The following CARMIL1 variants were observed in gnomAD, a reference collection of about 807,000 sequenced individuals.
CARMIL1 encodes the protein F-actin-uncapping protein LRRC16A.
Under a neutral mutation model 177.1 loss-of-function variants are expected in CARMIL1, and 90 were observed. The ratio of observed to expected loss-of-function variants is 0.51; its 90% CI spans 0.43 to 0.61. The LOEUF (loss-of-function observed/expected upper bound fraction) is 0.61. Among genes scored for constraint, CARMIL1 ranks in the 20% least tolerant of loss-of-function variants. The pLI is 0.00. For synonymous variants in CARMIL1, 577 were observed against 606.2 expected, an observed-to-expected ratio of 0.95 and a Z score of 0.71; for missense variants, 1,380 against 1,667.0, an observed-to-expected ratio of 0.83 and a Z score of 3.00.
At chr6:25,596,548 TC>T (rs1814866097) in intron 32 of CARMIL1, among the ~76,000 whole-genome samples, 1 of 152,228 alleles carries the variant, frequency 6.6e-6, no homozygotes, top group Non-Finnish European at 1.5e-5. Context: ...CTTTCTTTTT[TC>T]TGTTTTCTGT....
intron 2 of CARMIL1, among the ~76,000 whole-genome samples, chr6:25,293,687 C>T (rs1782169322): frequency 6.6e-6 from 1 of 151,904 alleles, no homozygotes; most frequent in African/African-American, 2.4e-5. Context: ...CCCTTCCTCT[C>T]CTTTCCCTTC....
chr6:25,517,267 G>A, intron 21 of CARMIL1, 80 bp from the exon 22 acceptor site: 1 of 1,017,068 alleles, frequency 9.8e-7, no homozygotes, highest in Non-Finnish European at 1.6e-6. Context: ...ACACACTGCT[G>A]TCTATAAGAG....
chr6:25,498,534 T>G (rs1318458250), intron 16 of CARMIL1, among the ~76,000 whole-genome samples: 1 of 152,176 alleles, frequency 6.6e-6, no homozygotes, highest in Non-Finnish European at 1.5e-5. Flanking sequence ...TTCTTGGCCT[T>G]AATTCACATG....
intron 23 of CARMIL1, chr6:25,527,632 G>A (rs1175694300): frequency 9.3e-6 from 4 of 427,866 alleles, no homozygotes; most frequent in African/African-American, 6.2e-5. Flanking sequence ...AGAAAGTAAT[G>A]TAATATACTG....
In CARMIL1 at chr6:25,594,538, A is replaced by G; in HGVS notation, c.3119+11A>G. 4 of 1,431,670 alleles carry G rather than the reference A, an allele frequency of 2.8e-6. No homozygotes were observed. Among genetic ancestry groups the G allele is most frequent in the Non-Finnish European group, 2.9e-6 (3 of 1,017,636 alleles). The allele number at this position is 1,431,670 out of a possible 1,614,324, so 88.7% of individuals were successfully genotyped here. A position where few individuals can be genotyped will look rare whatever the true frequency, so the allele number is the denominator to read the frequency against. On this transcript the variant is annotated intron_variant, in intron 32 of 36. Coordinates refer to ENST00000329474, the MANE Select transcript of CARMIL1 (RefSeq NM_017640.6). ...CAAAATGGATTCCAAGTGAGTTCAG[A>G]GTAATTTCACTGATAATGCTATTTT...
intron 32 of CARMIL1, among the ~76,000 whole-genome samples, chr6:25,595,514 C>CTA (rs1814754094): frequency 1.3e-5 from 2 of 152,120 alleles, no homozygotes. Flanking sequence ...GCTTAGCATA[C>CTA]TATACTTGGC....
At chr6:25,378,007 C>G (rs919344476) in intron 2 of CARMIL1, among the ~76,000 whole-genome samples, 78 of 152,082 alleles carry the variant, frequency 5.1e-4, no homozygotes, top group African/African-American at 1.9e-3. Flanking sequence ...AGGGGCAAAG[C>G]CAGGTGAGGG....
chr6:25,367,881 C>T (rs1789999117), intron 2 of CARMIL1, among the ~76,000 whole-genome samples: 1 of 152,166 alleles, frequency 6.6e-6, no homozygotes, highest in Non-Finnish European at 1.5e-5. Flanking sequence ...GCCTCAGTCT[C>T]CCGAATAGCT....
At chr6:25,373,392 CTT>C (rs36050000) in intron 2 of CARMIL1, among the ~76,000 whole-genome samples, 122 of 122,866 alleles carry the variant, frequency 9.9e-4, no homozygotes, top group Admixed American at 1.6e-3. Context: ...TGGCCTTCGG[CTT>C]TTTTTTTTTT....
intron 7 of CARMIL1, 42 bp from the exon 8 acceptor site, chr6:25,450,596 T>C: frequency 1.6e-6 from 2 of 1,249,074 alleles, no homozygotes; most frequent in Non-Finnish European, 2.3e-6. Context: ...TTCCTGGTCA[T>C]CTGCATGGAC....
At chr6:25,380,861 C>G (rs1181766006) in intron 2 of CARMIL1, among the ~76,000 whole-genome samples, 2 of 109,628 alleles carry the variant, frequency 1.8e-5, no homozygotes, top group African/African-American at 6.9e-5. Flanking sequence ...GGACTCATGC[C>G]TTGGACCACA....
intron 8 of CARMIL1, chr6:25,451,986 G>GGGCCCCCCCC: frequency 8.9e-6 from 1 of 112,670 alleles, no homozygotes; most frequent in South Asian, 7.1e-5. Flanking sequence ...CTAGCATCTT[G>GGGCCCCCCCC]CCCCCCCCTC....
intron 2 of CARMIL1, among the ~76,000 whole-genome samples, chr6:25,353,637 T>A (rs918961838): frequency 6.6e-6 from 1 of 152,236 alleles, no homozygotes; most frequent in Admixed American, 6.5e-5. Context: ...TTCTGATTGT[T>A]TCTTGTGCAT....
intron 28 of CARMIL1, among the ~76,000 whole-genome samples, chr6:25,556,351 C>G (rs573347301): frequency 6.6e-6 from 1 of 152,186 alleles, no homozygotes; most frequent in East Asian, 1.9e-4. Flanking sequence ...CTTTTCAGTC[C>G]TTTAAAAATA....
chr6:25,556,390 CAGAT>C (rs947225231), intron 28 of CARMIL1, among the ~76,000 whole-genome samples: 9 of 152,108 alleles, frequency 5.9e-5, no homozygotes, highest in Non-Finnish European at 1.3e-4. Context: ...TTATTACTCT[CAGAT>C]ACTTTTTAGT....
intron 24 of CARMIL1, among the ~76,000 whole-genome samples, chr6:25,530,413 G>C (rs1807634619): frequency 6.6e-6 from 1 of 152,094 alleles, no homozygotes; most frequent in African/African-American, 2.4e-5. Flanking sequence ...TACTTGGAAG[G>C]CTGAGGCAGG....
intron 2 of CARMIL1, among the ~76,000 whole-genome samples, chr6:25,360,774 T>C (rs1789117337): frequency 6.6e-6 from 1 of 152,192 alleles, no homozygotes; most frequent in Non-Finnish European, 1.5e-5. Flanking sequence ...TGAAATGTTG[T>C]GATTAGACCT....
At chr6:25,437,331 G>A (rs1797322830) in intron 5 of CARMIL1, among the ~76,000 whole-genome samples, 1 of 152,092 alleles carries the variant, frequency 6.6e-6, no homozygotes, top group East Asian at 1.9e-4. Context: ...AGCCTTATTT[G>A]TTTAGTATTG....
At chr6:25,517,168 A>T (rs113159702) in intron 21 of CARMIL1, among the ~76,000 whole-genome samples, 179 bp from the exon 22 acceptor site, 4 of 152,340 alleles carry the variant, frequency 2.6e-5, no homozygotes, top group African/African-American at 7.2e-5. Flanking sequence ...TACGAATATA[A>T]TATTGGGGGA....
Sources: gnomAD v4.1 joint callset for allele counts (sites outside exome capture counted in the v4.1 genomes callset) on GRCh38, gnomAD v4.1.1 for gene constraint, MANE v1.5 for transcripts, NCBI Gene and HGNC (gene_info 2026-07-23, HGNC 2026-07-21) for gene names.